Variants in FSTL4 observed in about 807,000 individuals in gnomAD.
FSTL4 encodes follistatin like 4, also known as follistatin-related protein 4.
FSTL4 carries 28 observed loss-of-function variants against 78.2 expected under a neutral mutation model. That is an observed-to-expected ratio of 0.36 (90% CI 0.27 to 0.49). The LOEUF is 0.49. FSTL4 is among the 20% of genes least tolerant of loss of function. The pLI is 0.98. For missense variants in FSTL4, 922 were observed against 1,084.9 expected (o/e 0.85, Z 2.11); for synonymous variants, 422 against 440.5 (o/e 0.96, Z 0.53).
chr5:133,837,030 A>G, the FSTL4 span, among the ~76,000 whole-genome samples: 1 of 152,034 alleles, frequency 6.6e-6, no homozygotes, highest in African/African-American at 2.4e-5. Flanking sequence ...CTTTTCAAAT[A>G]TGGCTTCTAC....
chr5:133,605,957 G>C (rs941609391), intron 1 of FSTL4, among the ~76,000 whole-genome samples: 1 of 152,096 alleles, frequency 6.6e-6, no homozygotes, highest in African/African-American at 2.4e-5. Flanking sequence ...AGGACTGTGA[G>C]GACTGCGGCA....
chr5:133,567,296 G>A, intron 2 of FSTL4, 77 bp from the exon 3 acceptor site: 1 of 1,025,840 alleles, frequency 9.7e-7, no homozygotes, highest in Admixed American at 1.7e-5. Context: ...CTCCTCTCTT[G>A]TTAGTCACAC....
the FSTL4 span, among the ~76,000 whole-genome samples, chr5:133,755,039 C>A: frequency 6.6e-6 from 1 of 152,152 alleles, no homozygotes; most frequent in Non-Finnish European, 1.5e-5. Context: ...GGCCTCCATC[C>A]CCCTGCAAGC....
chr5:133,577,974 CA>C (rs756752489), intron 2 of FSTL4, among the ~76,000 whole-genome samples: 7 of 152,194 alleles, frequency 4.6e-5, no homozygotes, highest in Non-Finnish European at 8.8e-5. Context: ...GCACAGCAAG[CA>C]AGCTCGATGT....
At chr5:133,478,710 A>G (rs1281687404) in intron 3 of FSTL4, among the ~76,000 whole-genome samples, 5 of 152,184 alleles carry the variant, frequency 3.3e-5, no homozygotes, top group Admixed American at 2.0e-4. Flanking sequence ...GTAAAACTGT[A>G]GCTTTCTACA....
intron 2 of FSTL4, among the ~76,000 whole-genome samples, chr5:133,576,379 T>C (rs1760279203): frequency 1.3e-5 from 2 of 152,144 alleles, no homozygotes; most frequent in South Asian, 4.1e-4. Flanking sequence ...CAGAATATTA[T>C]GGGATTCACT....
the FSTL4 span, among the ~76,000 whole-genome samples, chr5:133,730,587 G>C: frequency 6.6e-6 from 1 of 152,182 alleles, no homozygotes; most frequent in Non-Finnish European, 1.5e-5. Context: ...CCTGGACAAC[G>C]GTGTCCTTCA....
At chr5:133,837,517 C>T in the FSTL4 span, among the ~76,000 whole-genome samples, 6 of 152,176 alleles carry the variant, frequency 3.9e-5, no homozygotes, top group Non-Finnish European at 8.8e-5. Context: ...GATGTGGCCT[C>T]ATTCAAGAGA....
chr5:133,772,846 C>G, the FSTL4 span, among the ~76,000 whole-genome samples: 1 of 152,104 alleles, frequency 6.6e-6, no homozygotes, highest in Non-Finnish European at 1.5e-5. Context: ...ATAATGAACT[C>G]TGAGGGACAC....
intron 7 of FSTL4, among the ~76,000 whole-genome samples, chr5:133,240,163 G>A (rs1222449340): frequency 2.0e-5 from 3 of 152,180 alleles, no homozygotes; most frequent in African/African-American, 4.8e-5. Context: ...CCAGAAGGAA[G>A]AAACTCCAAA....
chr5:133,531,039 G>A (rs2112908820), intron 3 of FSTL4, among the ~76,000 whole-genome samples: 1 of 152,294 alleles, frequency 6.6e-6, no homozygotes, highest in African/African-American at 2.4e-5. Context: ...GATGAGGCTC[G>A]GCCCTGGATA....
intron 4 of FSTL4, among the ~76,000 whole-genome samples, chr5:133,349,736 C>A (rs1409302086): frequency 3.3e-5 from 4 of 120,642 alleles, no homozygotes; most frequent in African/African-American, 6.7e-5. Context: ...TGCTGCCATG[C>A]GACTGTAAAG....
In FSTL4 at chr5:133,197,317, A is replaced by G. The variant is rs1461276075; in HGVS notation, c.*1778T>C. 6.6e-6 allele frequency: 1 copy of G among 152,206 alleles called. No individual in the cohort carries two copies. The highest frequency in any genetic ancestry group is 6.5e-5 in the Admixed American group (1 of 15,286). 9.4% of individuals were successfully genotyped at this position (152,206 alleles called of 1,614,324 possible). A position where few individuals can be genotyped will look rare whatever the true frequency, so the allele number is the denominator to read the frequency against. ...AAAAAAGGGGTGAGATGGGTCATCC[A>G]TGCATCCCAGCTACTGTGAAACTGC... On this transcript the variant is annotated 3_prime_UTR_variant, in exon 16 of 16. Coordinates refer to ENST00000265342, the MANE Select transcript of FSTL4 (RefSeq NM_015082.2).
chr5:133,620,268 GA>G, the FSTL4 span, among the ~76,000 whole-genome samples: 3 of 152,252 alleles, frequency 2.0e-5, no homozygotes, highest in Middle Eastern at 0.01. Context: ...GGCAGGAGGG[GA>G]AAGATTTCAG....
At chr5:133,541,674 T>G (rs1404643000) in intron 3 of FSTL4, among the ~76,000 whole-genome samples, 1 of 152,206 alleles carries the variant, frequency 6.6e-6, no homozygotes, top group Non-Finnish European at 1.5e-5. Context: ...TGTCCAGATG[T>G]GGCCAGCATG....
intron 4 of FSTL4, among the ~76,000 whole-genome samples, chr5:133,330,590 G>C (rs370946431): frequency 2.6e-5 from 4 of 152,276 alleles, no homozygotes; most frequent in African/African-American, 9.6e-5. Flanking sequence ...CAACACTGGG[G>C]ATTGCATTTC....
At chr5:133,776,573 C>T in the FSTL4 span, among the ~76,000 whole-genome samples, 3 of 152,104 alleles carry the variant, frequency 2.0e-5, no homozygotes, top group Non-Finnish European at 4.4e-5. Flanking sequence ...CTGGTAAGAT[C>T]CTAACTGAAG....
intron 6 of FSTL4, among the ~76,000 whole-genome samples, chr5:133,271,830 A>G (rs1752771553): frequency 1.3e-5 from 2 of 152,186 alleles, no homozygotes; most frequent in South Asian, 4.1e-4. Context: ...TAAGGAAGTT[A>G]ATCAGTTTTC....
At chr5:133,753,727 G>GTGTGTGTGTGTGTGTGTGTGTGTA in the FSTL4 span, among the ~76,000 whole-genome samples, 1 of 134,828 alleles carries the variant, frequency 7.4e-6, no homozygotes, top group Admixed American at 7.5e-5. Context: ...GTGTGTGTGT[G>GTGTGTGTGTGTGTGTGTGTGTGTA]TAGTGGCAGG....
Sources: allele counts gnomAD v4.1 joint callset (sites outside exome capture counted in the v4.1 genomes callset), GRCh38; gene constraint gnomAD v4.1.1; transcripts MANE v1.5; gene names NCBI Gene and HGNC (gene_info 2026-07-23, HGNC 2026-07-21).